The following FANCB variants were observed in gnomAD, a reference collection of about 807,000 sequenced individuals.
The protein encoded by FANCB is FA complementation group B.
FANCB carries 5 observed loss-of-function variants against 38.9 expected under a neutral mutation model. The ratio of observed to expected loss-of-function variants is 0.13; its 90% CI spans 0.07 to 0.27. FANCB has a LOEUF of 0.27. Among genes scored for constraint, FANCB ranks in the 10% least tolerant of loss-of-function variants. The probability of loss-of-function intolerance (pLI) is 1.00; values close to 1 mark genes in which losing one functional copy is unlikely to be tolerated. For synonymous variants in FANCB, 236 were observed against 215.4 expected, an observed-to-expected ratio of 1.10 and a Z score of -0.84; for missense variants, 573 against 602.7, an observed-to-expected ratio of 0.95 and a Z score of 0.52.
chrX:14,802,778 G>A, the FANCB span, among the ~76,000 whole-genome samples: 1 of 112,104 alleles, frequency 8.9e-6, no homozygotes, highest in African/African-American at 3.2e-5. Context: ...GATGGGTGGT[G>A]GACAGGAATA....
chrX:14,691,324 T>TGTGTGTGTGTGC, the FANCB span, among the ~76,000 whole-genome samples: 1 of 64,345 alleles, frequency 1.6e-5, no homozygotes, highest in South Asian at 7.3e-4. Context: ...TGTGTGTGTG[T>TGTGTGTGTGTGC]GCGCGCGTGC....
the FANCB span, among the ~76,000 whole-genome samples, chrX:14,826,463 A>C: frequency 8.9e-6 from 1 of 112,242 alleles, no homozygotes; most frequent in Non-Finnish European, 1.9e-5. Flanking sequence ...TAATGTATCC[A>C]GTTTTGTCTA....
At chrX:14,692,457 G>A in the FANCB span, among the ~76,000 whole-genome samples, 1 of 111,754 alleles carries the variant, frequency 8.9e-6, no homozygotes, top group South Asian at 3.7e-4. Flanking sequence ...ACTGTCTATT[G>A]GTCAGTGGAT....
At chrX:14,745,875 A>T in the FANCB span, among the ~76,000 whole-genome samples, 1 of 106,257 alleles carries the variant, frequency 9.4e-6, no homozygotes, top group African/African-American at 3.4e-5. Flanking sequence ...AATTTTTTCT[A>T]TTTTTTAGTA....
the FANCB span, among the ~76,000 whole-genome samples, chrX:14,737,177 A>C: frequency 5.4e-5 from 6 of 111,468 alleles, no homozygotes; most frequent in Non-Finnish European, 1.1e-4. Flanking sequence ...AGCCAAGAGC[A>C]CTGAGGAACC....
chrX:14,865,280 C>T lies in FANCB; in HGVS notation c.231G>A (p.Met77Ile). Residue 77 changes from methionine to isoleucine, a missense_variant, in exon 3 of 10, where the codon ATG (methionine) becomes ATA (isoleucine). Physicochemically the swap from Met to Ile is conservative, Grantham distance 10. Transcript: ENST00000650831. ...TGAAATCTGACACACAGTTGCAACACATGATTTTTAAATGAGAGTTTTCTT... is the reference window on the plus strand; with the variant it reads ...TGAAATCTGACACACAGTTGCAACATATGATTTTTAAATGAGAGTTTTCTT... ...IKEENSHLKI[M>I]CCNCVSDFRT... is the part of the protein sequence containing the mutation. 8.7e-7 allele frequency: 1 copy of T among 1,154,721 alleles called. No individual in the cohort carries two copies. Among genetic ancestry groups the T allele is most frequent in the African/African-American group, 1.8e-5 (1 of 55,492 alleles).
chrX:14,732,209 T>C, the FANCB span, among the ~76,000 whole-genome samples: 253 of 112,035 alleles, frequency 2.3e-3, no homozygotes, highest in Middle Eastern at 4.6e-3. Flanking sequence ...GCAAAGGACA[T>C]GAACTCATCC....
chrX:14,719,949 G>A, the FANCB span, among the ~76,000 whole-genome samples: 1 of 111,686 alleles, frequency 9.0e-6, no homozygotes, highest in Non-Finnish European at 1.9e-5. Context: ...GGCAGAAAAA[G>A]AGAAATACTA....
At chrX:14,744,865 GC>G in the FANCB span, among the ~76,000 whole-genome samples, 24 of 111,216 alleles carry the variant, frequency 2.2e-4, no homozygotes, top group Non-Finnish European at 4.2e-4. Context: ...ATCAAGGCAG[GC>G]AAAAAGGTCC....
the FANCB span, among the ~76,000 whole-genome samples, chrX:14,817,416 C>T: frequency 8.9e-6 from 1 of 111,783 alleles, no homozygotes; most frequent in Non-Finnish European, 1.9e-5. Context: ...CATTATCAGG[C>T]TTCTCCACAT....
the FANCB span, among the ~76,000 whole-genome samples, chrX:14,710,365 C>T: frequency 8.9e-6 from 1 of 111,902 alleles, no homozygotes; most frequent in Non-Finnish European, 1.9e-5. Context: ...TTGCTTGAAG[C>T]CTCTAGGCTA....
the FANCB span, among the ~76,000 whole-genome samples, chrX:14,826,260 G>A: frequency 8.9e-6 from 1 of 111,757 alleles, no homozygotes; most frequent in Non-Finnish European, 1.9e-5. Flanking sequence ...CCATACAGCT[G>A]CTAAAAGGTT....
chrX:14,856,004 G>A (rs897960956), intron 5 of FANCB, among the ~76,000 whole-genome samples: 1 of 112,202 alleles, frequency 8.9e-6, no homozygotes, highest in South Asian at 3.7e-4. Context: ...AATCAGGAGA[G>A]TTGGTCCTGC....
the FANCB span, among the ~76,000 whole-genome samples, chrX:14,829,175 T>C: frequency 8.9e-6 from 1 of 112,027 alleles, no homozygotes; most frequent in Non-Finnish European, 1.9e-5. Context: ...CCAGGAACAT[T>C]GTCAATGAGC....
chrX:14,782,855 C>A, the FANCB span, among the ~76,000 whole-genome samples: 1 of 111,816 alleles, frequency 8.9e-6, no homozygotes, highest in Admixed American at 9.5e-5. Context: ...CTTATTCTAG[C>A]AGGTCTAGAA....
intron 10 of FANCB, among the ~76,000 whole-genome samples, chrX:14,838,102 A>G (rs930652151): frequency 1.8e-5 from 2 of 111,896 alleles, no homozygotes; most frequent in East Asian, 5.6e-4. Context: ...TATATGACTC[A>G]TAGCTACTAT....
At chrX:14,862,076 C>A (rs1281196468) in intron 3 of FANCB, among the ~76,000 whole-genome samples, 1 of 112,293 alleles carries the variant, frequency 8.9e-6, no homozygotes, top group Non-Finnish European at 1.9e-5. Context: ...GGATTACAGG[C>A]ATGAGCCATT....
chrX:14,850,387 T>C (rs2092395838), intron 7 of FANCB, 118 bp downstream of exon 7: 2 of 592,012 alleles, frequency 3.4e-6, no homozygotes, highest in Non-Finnish European at 2.9e-6. Context: ...TGCTTCTATT[T>C]ACATTTTTAA....
At position 14,865,055 on chromosome X, in the gene FANCB, A is replaced by C; in HGVS notation, c.456T>G (p.Phe152Leu). ...CAACTTTGCCAGTTTGAGAAGAGATAAAGAAGAATGCTTTGACATGCCTCC... is the reference window on the plus strand; with the variant it reads ...CAACTTTGCCAGTTTGAGAAGAGATCAAGAAGAATGCTTTGACATGCCTCC... ...ILWRHVKAFFFISSQTGKVVS... is the reference protein window; with the variant it reads ...ILWRHVKAFFLISSQTGKVVS... Residue 152 changes from phenylalanine to leucine, a missense_variant, in exon 3 of 10, where the codon TTT (phenylalanine) becomes TTG (leucine). Transcript: ENST00000650831. 1.7e-6 allele frequency: 2 copies of C among 1,210,554 alleles called. No individual in the cohort carries two copies. Among genetic ancestry groups the C allele is most frequent in the Non-Finnish European group, 2.2e-6 (2 of 894,911 alleles).
Sources: gnomAD v4.1 joint callset for allele counts (sites outside exome capture counted in the v4.1 genomes callset) on GRCh38, gnomAD v4.1.1 for gene constraint, MANE v1.5 for transcripts, NCBI Gene and HGNC (gene_info 2026-07-23, HGNC 2026-07-21) for gene names.